Variants in GFRAL observed in about 807,000 individuals in gnomAD.
The protein encoded by GFRAL is GDNF family receptor alpha like.
In GFRAL, 36 loss-of-function variants were observed where a neutral mutation model predicts 45.4. The ratio of observed to expected loss-of-function variants is 0.79; its 90% CI spans 0.61 to 1.05. The LOEUF is 1.05. GFRAL is among the 50% of genes least tolerant of loss of function. The pLI, the probability that GFRAL is intolerant of heterozygous loss-of-function variation, is 0.00. For missense variants in GFRAL, 507 were observed against 467.5 expected (o/e 1.08, Z -0.78); for synonymous variants, 166 against 154.1 (o/e 1.08, Z -0.57).
At chr6:55,396,020 G>T (rs1343602562) in intron 6 of GFRAL, among the ~76,000 whole-genome samples, 1 of 152,110 alleles carries the variant, frequency 6.6e-6, no homozygotes, top group Non-Finnish European at 1.5e-5. Context: ...CTGGGGCTGA[G>T]GTTAGTTATC....
intron 3 of GFRAL, among the ~76,000 whole-genome samples, chr6:55,348,971 A>C (rs914499939): frequency 8.8e-4 from 134 of 152,228 alleles, no homozygotes; most frequent in African/African-American, 3.1e-3. Context: ...CAAAAGCTAT[A>C]TGACTCCCTG....
chr6:55,375,260 G>A (rs1768508848), intron 6 of GFRAL, among the ~76,000 whole-genome samples: 1 of 152,142 alleles, frequency 6.6e-6, no homozygotes, highest in Non-Finnish European at 1.5e-5. Context: ...CATGAGCATG[G>A]AATGTTTCTT....
chr6:55,342,590 C>T lies in GFRAL; in HGVS notation c.317-7502C>T, dbSNP rs150106845. On this transcript the variant is annotated intron_variant, in intron 3 of 8. Transcript: ENST00000340465. Reference sequence around the variant, plus strand: ...AAAACTCATGCCAAATTGTAAAGACCATCGATGTTAGGAAGAAACTGCATC... The same window carrying T: ...AAAACTCATGCCAAATTGTAAAGACTATCGATGTTAGGAAGAAACTGCATC... Among the ~76,000 whole-genome samples the T allele has an allele frequency of 4.3e-3, 653 of 152,160 alleles. 7 individuals carry two copies. Among genetic ancestry groups the T allele is most frequent in the African/African-American group, 0.014 (572 of 41,534 alleles).
intron 6 of GFRAL, among the ~76,000 whole-genome samples, chr6:55,386,174 C>G (rs1028352822): frequency 1.3e-5 from 2 of 152,108 alleles, no homozygotes; most frequent in African/African-American, 4.8e-5. Flanking sequence ...AGAGTTTTCT[C>G]TAGTTCCAGA....
chr6:55,374,739 T>C lies in GFRAL; in HGVS notation c.952+15601T>C, dbSNP rs567558616. 7.2e-5 allele frequency among the ~76,000 whole-genome samples: 11 copies of C among 152,318 alleles called. No individual in the cohort carries two copies. In the East Asian group the frequency reaches 1.7e-3, roughly 24 times the overall value. On this transcript the variant is annotated intron_variant, in intron 6 of 8. Coordinates refer to ENST00000340465, the MANE Select transcript of GFRAL (RefSeq NM_207410.2). ...GAATGGTATTGCCTAGATTTTCTTCTAGGATTTTCATAGTTTTGGGTTTTA... is the reference window on the plus strand; with the variant it reads ...GAATGGTATTGCCTAGATTTTCTTCCAGGATTTTCATAGTTTTGGGTTTTA...
chr6:55,342,441 G>A (rs892334923), intron 3 of GFRAL, among the ~76,000 whole-genome samples: 4 of 151,966 alleles, frequency 2.6e-5, no homozygotes, highest in African/African-American at 9.7e-5. Flanking sequence ...ATAAGTGAAG[G>A]AGAAATAAAA....
intron 6 of GFRAL, among the ~76,000 whole-genome samples, chr6:55,397,563 A>G (rs1043962634): frequency 1.4e-5 from 2 of 144,010 alleles, no homozygotes; most frequent in Non-Finnish European, 3.0e-5. Context: ...CCTTAACTGT[A>G]TTTGAGTTCA....
chr6:55,396,400 C>A (rs1768825433), intron 6 of GFRAL, among the ~76,000 whole-genome samples: 1 of 152,118 alleles, frequency 6.6e-6, no homozygotes, highest in South Asian at 2.1e-4. Flanking sequence ...CAAAATAATA[C>A]TTTTTTCTTC....
chr6:55,329,059 A>C (rs1444873634), intron 1 of GFRAL, among the ~76,000 whole-genome samples: 1 of 152,094 alleles, frequency 6.6e-6, no homozygotes, highest in Non-Finnish European at 1.5e-5. Context: ...TAAAAATAGA[A>C]GTTATTTTTC....
chr6:55,350,730 T>C (rs1056882677), intron 4 of GFRAL, among the ~76,000 whole-genome samples: 1 of 152,046 alleles, frequency 6.6e-6, no homozygotes, highest in Non-Finnish European at 1.5e-5. Context: ...TGATTACATT[T>C]AATAGGTATT....
intron 6 of GFRAL, among the ~76,000 whole-genome samples, chr6:55,368,096 G>C (rs1768390954): frequency 2.0e-5 from 3 of 148,886 alleles, no homozygotes; most frequent in South Asian, 2.2e-4. Context: ...ATGTAGATTT[G>C]GTCTTTTCAC....
At chr6:55,377,555 A>G (rs994457213) in intron 6 of GFRAL, among the ~76,000 whole-genome samples, 2 of 152,036 alleles carry the variant, frequency 1.3e-5, no homozygotes. Flanking sequence ...GGAGATTTTT[A>G]GGGGCCAGTC....
In GFRAL at chr6:55,333,926, A is replaced by G. The variant is rs754697302; in HGVS notation, c.298A>G (p.Lys100Glu). 31 of 1,544,180 alleles carry G rather than the reference A, an allele frequency of 2.0e-5. No individual in the cohort carries two copies. Among genetic ancestry groups the G allele is most frequent in the Non-Finnish European group, 2.7e-5 (31 of 1,144,508 alleles). The change falls in exon 3 of 9, where the codon AAA (lysine) becomes GAA (glutamate). Residue 100 changes from lysine (K) to glutamate (E), a missense_variant. Physicochemically the swap from Lys to Glu is moderately conservative, Grantham distance 56. Transcript: ENST00000340465. ...YCTVNKLLGK[K>E]CINKSDNVKE... Reference sequence around the variant, plus strand: ...TACTGTGAACAAACTGCTTGGAAAAAAATGTATCAATAAATCAGGTAATAT... The same window carrying G: ...TACTGTGAACAAACTGCTTGGAAAAGAATGTATCAATAAATCAGGTAATAT...
intron 3 of GFRAL, among the ~76,000 whole-genome samples, chr6:55,348,396 G>T (rs1581906035): frequency 6.6e-6 from 1 of 152,090 alleles, no homozygotes; most frequent in South Asian, 2.1e-4. Flanking sequence ...CTGTTTTGTT[G>T]TGTTGGTAAC....
At chr6:55,387,508 A>G (rs1167039740) in intron 6 of GFRAL, among the ~76,000 whole-genome samples, 2 of 152,212 alleles carry the variant, frequency 1.3e-5, no homozygotes, top group Admixed American at 6.5e-5. Context: ...ATGTATTGCC[A>G]TAAAACACCA....
intron 6 of GFRAL, among the ~76,000 whole-genome samples, chr6:55,381,246 T>C (rs1191809570): frequency 2.6e-5 from 4 of 151,924 alleles, no homozygotes; most frequent in Non-Finnish European, 4.4e-5. Flanking sequence ...TTGTGAAATA[T>C]TAACATAAAA....
intron 6 of GFRAL, among the ~76,000 whole-genome samples, chr6:55,378,324 C>A (rs551499107): frequency 6.6e-6 from 1 of 152,158 alleles, no homozygotes; most frequent in African/African-American, 2.4e-5. Flanking sequence ...TGGAAAGCAT[C>A]ACTACCTCTT....
At chr6:55,385,221 G>C (rs1321422798) in intron 6 of GFRAL, among the ~76,000 whole-genome samples, 1 of 152,066 alleles carries the variant, frequency 6.6e-6, no homozygotes, top group Non-Finnish European at 1.5e-5. Context: ...CAGCTGTAAA[G>C]AATCTTCTCA....
chr6:55,352,020 A>G (rs774834745), intron 5 of GFRAL, among the ~76,000 whole-genome samples: 95 of 152,090 alleles, frequency 6.2e-4, no homozygotes, highest in Non-Finnish European at 1.2e-3. Flanking sequence ...GATCAGGAGG[A>G]AGAAGGTAGC....
Sources: gnomAD v4.1 joint callset for allele counts (sites outside exome capture counted in the v4.1 genomes callset) on GRCh38, gnomAD v4.1.1 for gene constraint, MANE v1.5 for transcripts, NCBI Gene and HGNC (gene_info 2026-07-23, HGNC 2026-07-21) for gene names.